The following MUSK variants were observed in gnomAD, a reference collection of about 807,000 sequenced individuals.
MUSK encodes the protein muscle associated receptor tyrosine kinase, also known as muscle, skeletal receptor tyrosine-protein kinase.
In MUSK, 55 loss-of-function variants were observed where a neutral mutation model predicts 88.7. That is an observed-to-expected ratio of 0.62 (90% CI 0.50 to 0.78). The LOEUF (loss-of-function observed/expected upper bound fraction) is 0.78, where lower values mean the gene tolerates loss of function less well. MUSK is among the 30% of genes least tolerant of loss of function. MUSK has a pLI of 0.00. For synonymous variants in MUSK, 387 were observed against 391.9 expected (o/e 0.99, Z 0.15); for missense variants, 1,015 against 1,074.3 (o/e 0.94, Z 0.77).
chr9:110,749,330 G>T (rs1170021484), intron 7 of MUSK, among the ~76,000 whole-genome samples: 1 of 152,176 alleles, frequency 6.6e-6, no homozygotes, highest in Admixed American at 6.5e-5. Flanking sequence ...GAGGCAGGAT[G>T]TCAGGGAATC....
intron 1 of MUSK, among the ~76,000 whole-genome samples, chr9:110,675,856 T>G (rs1167401825): frequency 6.6e-6 from 1 of 152,110 alleles, no homozygotes; most frequent in South Asian, 2.1e-4. Context: ...CCACCGCACC[T>G]GGCCTAGTCT....
intron 11 of MUSK, among the ~76,000 whole-genome samples, chr9:110,779,275 G>A (rs546068605): frequency 2.0e-5 from 3 of 152,022 alleles, no homozygotes; most frequent in Non-Finnish European, 4.4e-5. Context: ...TTTCCCTCCT[G>A]AATTTATTTC....
At chr9:110,719,150 C>G (rs1461480009) in intron 5 of MUSK, among the ~76,000 whole-genome samples, 3 of 151,940 alleles carry the variant, frequency 2.0e-5, no homozygotes, top group Admixed American at 6.6e-5. Context: ...ACCTATATAA[C>G]AGTAACACAA....
intron 2 of MUSK, among the ~76,000 whole-genome samples, chr9:110,686,476 T>C (rs949401557): frequency 3.3e-5 from 5 of 152,164 alleles, no homozygotes; most frequent in African/African-American, 1.2e-4. Flanking sequence ...AGAAACTCTC[T>C]TTTATATTGC....
intron 5 of MUSK, among the ~76,000 whole-genome samples, chr9:110,716,091 C>A (rs1432765201): frequency 6.7e-6 from 1 of 149,518 alleles, no homozygotes; most frequent in African/African-American, 2.5e-5. Context: ...ACCTATGTAA[C>A]AAACCTGCAC....
chr9:110,753,197 G>A (rs1216492661), intron 7 of MUSK, among the ~76,000 whole-genome samples: 2 of 152,132 alleles, frequency 1.3e-5, no homozygotes, highest in African/African-American at 2.4e-5. Flanking sequence ...TTGGGAGTCC[G>A]AGGTGGGCAG....
At chr9:110,716,805 A>G (rs866360921) in intron 5 of MUSK, among the ~76,000 whole-genome samples, 13 of 150,176 alleles carry the variant, frequency 8.7e-5, no homozygotes, top group Non-Finnish European at 1.0e-4. Context: ...TTATATTGTT[A>G]AGTGCATACA....
intron 9 of MUSK, 79 bp downstream of exon 9, chr9:110,768,162 T>A: frequency 7.3e-7 from 1 of 1,367,212 alleles, no homozygotes; most frequent in Non-Finnish European, 1.0e-6. Flanking sequence ...AAAAATGTTG[T>A]AATATGCAAC....
chr9:110,689,419 T>C (rs1355159522), intron 3 of MUSK, among the ~76,000 whole-genome samples: 3 of 110,630 alleles, frequency 2.7e-5, no homozygotes, highest in Non-Finnish European at 4.9e-5. Flanking sequence ...TATTTATATA[T>C]AATATATGTA....
chr9:110,671,116 T>G (rs984387648), intron 1 of MUSK, among the ~76,000 whole-genome samples: 2 of 152,108 alleles, frequency 1.3e-5, no homozygotes, highest in South Asian at 2.1e-4. Flanking sequence ...GGACTACAGG[T>G]GCAAGCCACC....
At chr9:110,689,854 AACTATATATT>A in intron 3 of MUSK, among the ~76,000 whole-genome samples, 6 of 97,344 alleles carry the variant, frequency 6.2e-5, no homozygotes, top group Admixed American at 1.5e-4. Context: ...ATTTATATAT[AACTATATATT>A]TAAATATAAA....
intron 13 of MUSK, among the ~76,000 whole-genome samples, chr9:110,787,327 A>C (rs2077887292): frequency 7.3e-6 from 1 of 136,320 alleles, no homozygotes; most frequent in African/African-American, 2.9e-5. Flanking sequence ...ATGCCACTGC[A>C]CTCCAGCCTG....
chr9:110,785,665 T>G lies in MUSK; in HGVS notation c.1725T>G (p.Ile575Met). Residue 575 changes from isoleucine to methionine, a missense_variant, in exon 13 of 15, where the codon ATT becomes ATG. Physicochemically the swap from Ile to Met is conservative, Grantham distance 10. Coordinates refer to ENST00000374448, the MANE Select transcript of MUSK (RefSeq NM_005592.4). ...GCCTGGAGTATCCAAGGAATAACAT[T>G]GAATATGTGAGAGACATCGGAGAGG... The part of the protein sequence containing the change: ...LLSLEYPRNN[I>M]EYVRDIGEGA... 6.2e-7 allele frequency: 1 copy of G among 1,612,076 alleles called. No individual in the cohort carries two copies. Among genetic ancestry groups the G allele is most frequent in the South Asian group, 1.1e-5 (1 of 90,736 alleles).
In MUSK at chr9:110,689,520, TACA is replaced by T. The variant is rs1201752045; in HGVS notation, c.358+2255_358+2257del. Reference sequence around the variant, plus strand: ...AAATACATATTTATATATAAATATATACAACTATATATAAATATATAGTTATAT... The same window carrying T: ...AAATACATATTTATATATAAATATATACTATATATAAATATATAGTTATAT... On this transcript the variant is annotated intron_variant, in intron 3 of 14. Coordinates refer to ENST00000374448, the MANE Select transcript of MUSK (RefSeq NM_005592.4). 5.0e-3 allele frequency among the ~76,000 whole-genome samples: 427 copies of T among 84,962 alleles called. 7 individuals are homozygous for T. Among genetic ancestry groups the T allele is most frequent in the African/African-American group, 0.025 (411 of 16,424 alleles). The allele number at this position is 84,962 out of a possible 152,430, so 55.7% of individuals were successfully genotyped here. A position where few individuals can be genotyped will look rare whatever the true frequency, so the allele number is the denominator to read the frequency against.
chr9:110,702,175 T>A (rs1431586055), intron 5 of MUSK, among the ~76,000 whole-genome samples: 2 of 151,956 alleles, frequency 1.3e-5, no homozygotes, highest in South Asian at 4.1e-4. Flanking sequence ...CTGGGCTAGT[T>A]GTATAACTGA....
chr9:110,730,685 G>T (rs942285313), intron 5 of MUSK, among the ~76,000 whole-genome samples: 14 of 151,974 alleles, frequency 9.2e-5, no homozygotes, highest in African/African-American at 3.4e-4. Context: ...TGTTTACAAT[G>T]CTTGAAAAAC....
intron 5 of MUSK, among the ~76,000 whole-genome samples, chr9:110,716,580 A>G (rs1031954130): frequency 1.3e-4 from 20 of 149,960 alleles, no homozygotes; most frequent in Admixed American, 9.2e-4. Flanking sequence ...TTGGAATCAT[A>G]GGCAACTGTT....
At chr9:110,731,476 CTT>C (rs2076961913) in intron 5 of MUSK, among the ~76,000 whole-genome samples, 1 of 152,032 alleles carries the variant, frequency 6.6e-6, no homozygotes, top group Admixed American at 6.6e-5. Flanking sequence ...TGGAAACTAA[CTT>C]TCAATACTGA....
intron 14 of MUSK, among the ~76,000 whole-genome samples, chr9:110,790,233 A>T (rs1163201340): frequency 1.3e-5 from 2 of 152,180 alleles, no homozygotes; most frequent in African/African-American, 2.4e-5. Flanking sequence ...GTTCACTGGT[A>T]ACCCCGAGAA....
Sources: allele counts gnomAD v4.1 joint callset (sites outside exome capture counted in the v4.1 genomes callset), GRCh38; gene constraint gnomAD v4.1.1; transcripts MANE v1.5; gene names NCBI Gene and HGNC (gene_info 2026-07-23, HGNC 2026-07-21).